The following COL23A1 variants were observed in gnomAD, a reference collection of about 807,000 sequenced individuals.
COL23A1 encodes the protein collagen alpha-1(XXIII) chain.
Under a neutral mutation model 99.3 loss-of-function variants are expected in COL23A1, and 97 were observed. The ratio of observed to expected loss-of-function variants is 0.98; its 90% CI spans 0.83 to 1.16. The LOEUF (loss-of-function observed/expected upper bound fraction) is 1.16, where lower values mean the gene tolerates loss of function less well. Among genes scored for constraint, COL23A1 ranks in the 50% most tolerant of loss-of-function variants. COL23A1 has a pLI of 0.00. For missense variants in COL23A1, 762 were observed against 757.4 expected (o/e 1.01, Z -0.07); for synonymous variants, 320 against 308.2 (o/e 1.04, Z -0.40).
intron 3 of COL23A1, among the ~76,000 whole-genome samples, chr5:178,293,769 G>C (rs953352998): frequency 2.0e-5 from 3 of 152,080 alleles, no homozygotes; most frequent in African/African-American, 4.8e-5. Context: ...GCTGGAGATG[G>C]AAGGGTTGTG....
intron 1 of COL23A1, among the ~76,000 whole-genome samples, chr5:178,585,749 T>TACAGCCCTGGATGGCGCTGGGGTAAC (rs1562115741): frequency 2.6e-5 from 4 of 151,526 alleles, no homozygotes; most frequent in Non-Finnish European, 4.4e-5. Flanking sequence ...TGGCTGACCC[T>TACAGCCCTGGATGGCGCTGGGGTAAC]GTTGGTTGCT....
At position 178,318,700 on chromosome 5, in the gene COL23A1, G is replaced by A. The variant is rs186472658; in HGVS notation, c.362-11781C>T. 3.5e-4 allele frequency among the ~76,000 whole-genome samples: 53 copies of A among 152,308 alleles called. 1 individual carries two copies. Among genetic ancestry groups the A allele is most frequent in the South Asian group, 1.0e-3 (5 of 4,826 alleles). On this transcript the variant is annotated intron_variant, in intron 2 of 28. Transcript: ENST00000390654. ...GTGGATCACCTGAGGTCAGGAGTTCGAGACCAGCCTGCCCAAATGGCGAAA... is the reference window on the plus strand; with the variant it reads ...GTGGATCACCTGAGGTCAGGAGTTCAAGACCAGCCTGCCCAAATGGCGAAA...
At chr5:178,413,551 A>G (rs1765154647) in intron 2 of COL23A1, among the ~76,000 whole-genome samples, 1 of 152,262 alleles carries the variant, frequency 6.6e-6, no homozygotes, top group Non-Finnish European at 1.5e-5. Context: ...GCAGGAGTTC[A>G]TAAGACATGG....
At chr5:178,579,514 C>T (rs1376418270) in intron 1 of COL23A1, among the ~76,000 whole-genome samples, 1 of 151,980 alleles carries the variant, frequency 6.6e-6, no homozygotes, top group Non-Finnish European at 1.5e-5. Flanking sequence ...AGTGTGGTGG[C>T]GAGATCTCGG....
intron 2 of COL23A1, among the ~76,000 whole-genome samples, chr5:178,327,013 G>A (rs906796182): frequency 4.6e-5 from 7 of 152,256 alleles, no homozygotes; most frequent in African/African-American, 7.2e-5. Flanking sequence ...CCACTGCACC[G>A]GGCCAAAAAT....
chr5:178,248,048 G>A, intron 20 of COL23A1, 144 bp downstream of exon 20: 1 of 727,322 alleles, frequency 1.4e-6, no homozygotes, highest in Admixed American at 2.4e-5. Context: ...TCTGTTCTCA[G>A]AGGGGTCTCG....
At chr5:178,396,828 G>A (rs556304580) in intron 2 of COL23A1, among the ~76,000 whole-genome samples, 125 of 150,384 alleles carry the variant, frequency 8.3e-4, no homozygotes, top group African/African-American at 2.9e-3. Context: ...TTCCGGCCCC[G>A]GCTGTCCTCC....
Position 178,384,448 on chromosome 5 carries a change from C to G in COL23A1, c.362-77529G>C, listed in dbSNP as rs539971059. Among the ~76,000 whole-genome samples, 10 of 152,352 alleles carry G rather than the reference C, an allele frequency of 6.6e-5. 1 individual carries two copies. The South Asian group carries it at 2.1e-3, about 32-fold the overall frequency. ...CCAGGCTTCGGCTTTCCAAGCCAGACCTCTCCTCCCTGCCCACCCCTCCCT... is the reference window on the plus strand; with the variant it reads ...CCAGGCTTCGGCTTTCCAAGCCAGAGCTCTCCTCCCTGCCCACCCCTCCCT... On this transcript the variant is annotated intron_variant, in intron 2 of 28. Transcript: ENST00000390654. This position sits in a 1 kb window ranked among gnomAD's most constrained non-coding sequence, Gnocchi z 5.5.
chr5:178,275,964 T>C (rs759247098), intron 5 of COL23A1, among the ~76,000 whole-genome samples: 6 of 152,180 alleles, frequency 3.9e-5, no homozygotes, highest in Admixed American at 3.3e-4. Flanking sequence ...CCTGCAATCA[T>C]TAAACTCTTT....
intron 2 of COL23A1, among the ~76,000 whole-genome samples, chr5:178,530,366 G>T (rs942961221): frequency 1.3e-5 from 2 of 152,144 alleles, no homozygotes; most frequent in Non-Finnish European, 2.9e-5. Context: ...GGAGGCTGAG[G>T]TGGGAGGATC....
chr5:178,458,834 C>T (rs1479684958), intron 2 of COL23A1, among the ~76,000 whole-genome samples: 1 of 152,088 alleles, frequency 6.6e-6, no homozygotes, highest in African/African-American at 2.4e-5. Context: ...GCGTGCACCC[C>T]ACCACTTAAT....
chr5:178,357,032 G>C (rs1225301403), intron 2 of COL23A1, among the ~76,000 whole-genome samples: 2 of 152,262 alleles, frequency 1.3e-5, no homozygotes, highest in African/African-American at 4.8e-5. Flanking sequence ...CGAGTCAAAT[G>C]CAAGTATTGT....
chr5:178,524,555 C>T (rs1187626462), intron 2 of COL23A1, among the ~76,000 whole-genome samples: 1 of 152,208 alleles, frequency 6.6e-6, no homozygotes, highest in African/African-American at 2.4e-5. Flanking sequence ...TCAGCACAGG[C>T]AAAGGTCCTG....
chr5:178,352,256 C>T (rs1761372315), intron 2 of COL23A1: 1 of 152,348 alleles, frequency 6.6e-6, no homozygotes, highest in South Asian at 2.1e-4. Context: ...AGCTACGGCA[C>T]AGTTGTCAAA....
chr5:178,425,541 G>A (rs1765881796), intron 2 of COL23A1, among the ~76,000 whole-genome samples: 1 of 151,810 alleles, frequency 6.6e-6, no homozygotes, highest in Admixed American at 6.6e-5. Context: ...GCAAAAAGGT[G>A]GATCTGAACA....
At chr5:178,433,873 C>T (rs959713934) in intron 2 of COL23A1, among the ~76,000 whole-genome samples, 5 of 152,124 alleles carry the variant, frequency 3.3e-5, no homozygotes, top group Admixed American at 6.5e-5. Flanking sequence ...AAAATGAGGT[C>T]GTGTGTCCTA....
In COL23A1 at chr5:178,280,031, A is replaced by G. The variant is rs1399640273; in HGVS notation, c.441+8293T>C. Among the ~76,000 whole-genome samples, 1 of 152,372 alleles carries G rather than the reference A, an allele frequency of 6.6e-6. No individual in the cohort carries two copies. The highest frequency in any genetic ancestry group is 2.4e-5 in the African/African-American group (1 of 41,590). ...TCCCAAATGCCGAAGCGCCTCGTAC[A>G]TAACGAGAACACAGTAAATACCCGC... On this transcript the variant is annotated intron_variant, in intron 5 of 28. Transcript: ENST00000390654. The surrounding 1 kb of genome is among the most constrained non-coding windows in gnomAD (Gnocchi z 4.9).
intron 2 of COL23A1, among the ~76,000 whole-genome samples, chr5:178,463,337 T>C (rs560073206): frequency 1.3e-5 from 2 of 152,362 alleles, no homozygotes; most frequent in African/African-American, 4.8e-5. Context: ...TGGAAATAAG[T>C]TTCTTTTCTG....
chr5:178,566,197 C>A (rs1304269007), intron 1 of COL23A1, among the ~76,000 whole-genome samples: 1 of 151,982 alleles, frequency 6.6e-6, no homozygotes, highest in Admixed American at 6.6e-5. Flanking sequence ...AGATAGAAAC[C>A]AGTACAGTGT....
Sources: allele counts gnomAD v4.1 joint callset (sites outside exome capture counted in the v4.1 genomes callset), GRCh38; gene constraint gnomAD v4.1.1; non-coding constraint Gnocchi (gnomAD v3.1); transcripts MANE v1.5; gene names NCBI Gene and HGNC (gene_info 2026-07-23, HGNC 2026-07-21).